The following TPRX1 variants were observed in gnomAD, a reference collection of about 807,000 sequenced individuals.
TPRX1 encodes tetrapeptide repeat homeobox 1.
Under a neutral mutation model 8.1 loss-of-function variants are expected in TPRX1, and 2 were observed. The observed-to-expected ratio is 0.25, with a 90% confidence interval of 0.10 to 0.78. The LOEUF (loss-of-function observed/expected upper bound fraction) is 0.78, where lower values mean the gene tolerates loss of function less well. TPRX1 is among the 30% of genes least tolerant of loss of function. The pLI, the probability that TPRX1 is intolerant of heterozygous loss-of-function variation, is 0.70. For missense variants in TPRX1, 517 were observed against 586.9 expected, an observed-to-expected ratio of 0.88 and a Z score of 1.23; for synonymous variants, 257 against 254.1, an observed-to-expected ratio of 1.01 and a Z score of -0.11.
In TPRX1 at chr19:47,802,188, T is replaced by TCTGGG. The variant is rs1967672291; in HGVS notation, c.1109_1113dup (p.Ile372ProfsTer16). 3 of 1,610,018 alleles carry TCTGGG rather than the reference T, an allele frequency of 1.9e-6. No homozygotes were observed. Among genetic ancestry groups the TCTGGG allele is most frequent in the Non-Finnish European group, 8.5e-7 (1 of 1,177,964 alleles). ...CCTTGGAGTCTGCCTGGGCCTGGGA[T>TCTGGG]CTGGGCTGGGCTGGGAATCGGGCCT... is the stretch of plus-strand genomic sequence containing the variant. On this transcript the variant is annotated frameshift_variant, in exon 4 of 4. Coordinates refer to ENST00000535759, the Ensembl canonical transcript of TPRX1. LOFTEE classifies it low-confidence loss of function (END_TRUNC).
exon 4 of TPRX1, chr19:47,801,946 C>G: frequency 6.2e-7 from 1 of 1,614,086 alleles, no homozygotes; most frequent in East Asian, 2.2e-5. Context: ...GTAGGAGCAG[C>G]TCTGTGAAGT....
chr19:47,817,461 T>C (rs915066676), intron 2 of TPRX1, among the ~76,000 whole-genome samples: 1 of 152,090 alleles, frequency 6.6e-6, no homozygotes, highest in African/African-American at 2.4e-5. Flanking sequence ...TGATATGGCC[T>C]CTTAGGATGC....
At chr19:47,817,937 G>C (rs190304700) in intron 2 of TPRX1, among the ~76,000 whole-genome samples, 4 of 152,362 alleles carry the variant, frequency 2.6e-5, no homozygotes, top group Admixed American at 2.0e-4. Context: ...GTCCAGTGAG[G>C]ACAAGGAGCT....
At chr19:47,809,887 G>A (rs1474287591) in intron 2 of TPRX1, among the ~76,000 whole-genome samples, 1 of 152,022 alleles carries the variant, frequency 6.6e-6, no homozygotes, top group Non-Finnish European at 1.5e-5. Context: ...ATGGAGGGAG[G>A]TCTTCTGAAG....
intron 2 of TPRX1, among the ~76,000 whole-genome samples, chr19:47,815,114 T>TTATATATA (rs548380113): frequency 0.042 from 2,680 of 63,256 alleles, 114 homozygotes; most frequent in African/African-American, 0.07. Flanking sequence ...AATAGATAAA[T>TTATATATA]TATATATATA....
intron 2 of TPRX1, among the ~76,000 whole-genome samples, chr19:47,815,275 C>A (rs1488694157): frequency 4.8e-5 from 7 of 147,156 alleles, no homozygotes; most frequent in Admixed American, 3.4e-4. Context: ...CTGCCTCAGC[C>A]TCCTGAGTAG....
rs1568617428 is a variant in TPRX1, at chr19:47,815,153, TATATATATA to T, written c.151+3306_151+3314del. Among the ~76,000 whole-genome samples, 203 of 84,840 alleles carry T rather than the reference TATATATATA, an allele frequency of 2.4e-3. 5 individuals carry two copies. Among genetic ancestry groups the T allele is most frequent in the African/African-American group, 9.7e-3 (191 of 19,740 alleles). 55.7% of individuals were successfully genotyped at this position (84,840 alleles called of 152,430 possible). The stretch of plus-strand genomic sequence containing the variant: ...ATATATATATATATATGCAAATATA[TATATATATA>T]TTTTTTTTTTTTGAGACAGTCTTGC... On this transcript the variant is annotated intron_variant, in intron 2 of 3. Coordinates refer to ENST00000535759, the Ensembl canonical transcript of TPRX1.
chr19:47,805,498 C>T (rs1967727690), intron 2 of TPRX1, among the ~76,000 whole-genome samples: 1 of 152,174 alleles, frequency 6.6e-6, no homozygotes, highest in Admixed American at 6.5e-5. Flanking sequence ...CTCATTTCCC[C>T]ATGGCAGGAC....
chr19:47,811,250 C>G (rs919320749), intron 2 of TPRX1, among the ~76,000 whole-genome samples: 2 of 151,782 alleles, frequency 1.3e-5, no homozygotes, highest in East Asian at 3.9e-4. Flanking sequence ...GTGGTCAGCC[C>G]TCCTCAGCCT....
chr19:47,810,534 A>G (rs750034957), intron 2 of TPRX1, among the ~76,000 whole-genome samples: 20 of 151,200 alleles, frequency 1.3e-4, no homozygotes, highest in Admixed American at 4.0e-4. Context: ...TTTTCAGTAG[A>G]GACAGCATTT....
chr19:47,801,787 T>C, exon 4 of TPRX1: 1 of 1,612,608 alleles, frequency 6.2e-7, no homozygotes, highest in Non-Finnish European at 8.5e-7. Context: ...ATAAATCCAG[T>C]AATAACCTGG....
At chr19:47,809,443 T>C (rs974856863) in intron 2 of TPRX1, among the ~76,000 whole-genome samples, 9 of 151,914 alleles carry the variant, frequency 5.9e-5, no homozygotes, top group Non-Finnish European at 1.2e-4. Flanking sequence ...CCACCACATC[T>C]GGCTAATTTT....
chr19:47,814,729 A>G (rs1441432402), intron 2 of TPRX1, among the ~76,000 whole-genome samples: 1 of 152,120 alleles, frequency 6.6e-6, no homozygotes, highest in Non-Finnish European at 1.5e-5. Flanking sequence ...TCTACCTCTG[A>G]TGTGAAGCAT....
chr19:47,816,587 C>T (rs888183268), intron 2 of TPRX1, among the ~76,000 whole-genome samples: 12 of 139,764 alleles, frequency 8.6e-5, no homozygotes, highest in South Asian at 2.3e-4. Flanking sequence ...GGCTGGAGTG[C>T]GGTGGCACAA....
chr19:47,813,841 G>A (rs1030056894), intron 2 of TPRX1, among the ~76,000 whole-genome samples: 9 of 151,758 alleles, frequency 5.9e-5, no homozygotes, highest in Non-Finnish European at 8.8e-5. Flanking sequence ...ATGGGACTAG[G>A]ACAGGGTGAG....
chr19:47,802,393 CGGGCCT>C (rs757780561), exon 4 of TPRX1: 164 of 951,668 alleles, frequency 1.7e-4, no homozygotes, highest in Non-Finnish European at 2.3e-4. Flanking sequence ...GGCCTGGGAT[CGGGCCT>C]GGGATCGGGA....
chr19:47,813,902 C>T (rs1967807851), intron 2 of TPRX1, among the ~76,000 whole-genome samples: 2 of 135,632 alleles, frequency 1.5e-5, no homozygotes, highest in South Asian at 4.7e-4. Flanking sequence ...CAGGGGGCGG[C>T]AGAGGACGAG....
intron 2 of TPRX1, among the ~76,000 whole-genome samples, chr19:47,811,373 T>G (rs962683809): frequency 1.3e-5 from 2 of 151,912 alleles, no homozygotes; most frequent in African/African-American, 2.4e-5. Flanking sequence ...GAAACACGCA[T>G]GAACCAGGGT....
intron 2 of TPRX1, among the ~76,000 whole-genome samples, chr19:47,810,348 T>TC (rs1435741139): frequency 1.5e-5 from 2 of 129,154 alleles, no homozygotes; most frequent in Non-Finnish European, 3.5e-5. Context: ...CCATCAATTT[T>TC]TTTTTTTTTT....
Sources: gnomAD v4.1 joint callset for allele counts (sites outside exome capture counted in the v4.1 genomes callset) on GRCh38, gnomAD v4.1.1 for gene constraint, MANE v1.5 for transcripts, NCBI Gene and HGNC (gene_info 2026-07-23, HGNC 2026-07-21) for gene names.